CNTN3: variants seen among roughly 807,000 people sequenced by gnomAD.
The protein encoded by CNTN3 is contactin-3.
A neutral mutation model predicts 119.1 loss-of-function variants in CNTN3; 60 were observed. The observed-to-expected ratio is 0.50, with a 90% CI of 0.41 to 0.62. The LOEUF is 0.62. Among genes scored for constraint, CNTN3 ranks in the 20% least tolerant of loss-of-function variants. CNTN3 has a pLI of 0.00. For synonymous variants in CNTN3, 450 were observed against 438.7 expected, an observed-to-expected ratio of 1.03 and a Z score of -0.32; for missense variants, 1,101 against 1,242.4, an observed-to-expected ratio of 0.89 and a Z score of 1.71.
At chr3:74,444,870 A>C (rs907202325) in intron 4 of CNTN3, among the ~76,000 whole-genome samples, 1 of 152,200 alleles carries the variant, frequency 6.6e-6, no homozygotes, top group African/African-American at 2.4e-5. Flanking sequence ...CCACAAATGA[A>C]TAAGATTAGA....
intron 5 of CNTN3, among the ~76,000 whole-genome samples, chr3:74,373,710 T>C (rs1212052819): frequency 6.6e-6 from 1 of 152,202 alleles, no homozygotes; most frequent in Non-Finnish European, 1.5e-5. Context: ...TAACTCCCTT[T>C]ATAATGTTTA....
intron 2 of CNTN3, among the ~76,000 whole-genome samples, chr3:74,507,879 G>T (rs1308904424): frequency 6.6e-6 from 1 of 151,722 alleles, no homozygotes; most frequent in African/African-American, 2.4e-5. Flanking sequence ...CAATCCATTC[G>T]CCTCGGCCTC....
At chr3:74,429,922 C>T (rs190576490) in intron 4 of CNTN3, among the ~76,000 whole-genome samples, 48 of 152,224 alleles carry the variant, frequency 3.2e-4, no homozygotes, top group African/African-American at 1.1e-3. Flanking sequence ...CAAATTAAAA[C>T]TACAATGAGC....
intron 19 of CNTN3, among the ~76,000 whole-genome samples, chr3:74,286,594 A>T (rs1383843238): frequency 1.2e-4 from 18 of 152,226 alleles, no homozygotes; most frequent in Admixed American, 1.1e-3. Context: ...GGGTAGAATG[A>T]AAAGTTCTAA....
chr3:74,523,260 G>A (rs1334191970), intron 1 of CNTN3, among the ~76,000 whole-genome samples: 1 of 151,734 alleles, frequency 6.6e-6, no homozygotes, highest in Non-Finnish European at 1.5e-5. Context: ...CCAAAAATCA[G>A]GAGAAAGATG....
intron 4 of CNTN3, among the ~76,000 whole-genome samples, chr3:74,450,400 A>C (rs981343250): frequency 6.6e-6 from 1 of 151,994 alleles, no homozygotes; most frequent in African/African-American, 2.4e-5. Flanking sequence ...CTCCCTATAA[A>C]GGTCTATGTA....
At chr3:74,605,114 A>C (rs907057848) in intron 1 of CNTN3, among the ~76,000 whole-genome samples, 2 of 151,816 alleles carry the variant, frequency 1.3e-5, no homozygotes, top group Non-Finnish European at 3.0e-5. Context: ...AGAAGTAGAG[A>C]ATAGAATGGT....
intron 13 of CNTN3, among the ~76,000 whole-genome samples, chr3:74,327,633 T>C (rs919046422): frequency 3.3e-5 from 5 of 152,152 alleles, no homozygotes; most frequent in Non-Finnish European, 5.9e-5. Context: ...CACAAAATAT[T>C]TATCTATTTC....
chr3:74,288,631 A>C (rs986640612), intron 19 of CNTN3, among the ~76,000 whole-genome samples: 9 of 152,172 alleles, frequency 5.9e-5, no homozygotes, highest in Non-Finnish European at 8.8e-5. Context: ...AAAATATGCT[A>C]ATCTGTATCA....
intron 13 of CNTN3, among the ~76,000 whole-genome samples, chr3:74,311,229 A>G (rs1475343812): frequency 6.6e-6 from 1 of 152,152 alleles, no homozygotes; most frequent in Non-Finnish European, 1.5e-5. Flanking sequence ...TTTTATTACA[A>G]TCACAGACCT....
chr3:74,397,395 G>A (rs531015770), intron 5 of CNTN3, among the ~76,000 whole-genome samples: 7 of 151,876 alleles, frequency 4.6e-5, no homozygotes, highest in Admixed American at 1.3e-4. Context: ...CATCTATTCT[G>A]CAGCCCGTGT....
At chr3:74,610,761 G>A (rs950219359) in intron 1 of CNTN3, among the ~76,000 whole-genome samples, 3 of 152,110 alleles carry the variant, frequency 2.0e-5, no homozygotes, top group African/African-American at 7.2e-5. Flanking sequence ...ATGGGGACTT[G>A]GAGAAGGAGG....
intron 14 of CNTN3, among the ~76,000 whole-genome samples, chr3:74,302,152 C>G (rs1056803048): frequency 2.0e-5 from 3 of 152,100 alleles, no homozygotes; most frequent in Non-Finnish European, 4.4e-5. Flanking sequence ...ATGCCTTTCC[C>G]TTTAATCCAC....
chr3:74,369,938 G>A lies in CNTN3; in HGVS notation c.712C>T (p.Pro238Ser). The change falls in exon 7 of 23, where the codon CCA (proline) becomes TCA (serine). Residue 238 changes from proline (P) to serine (S), a missense_variant. Pro to Ser is a moderately conservative substitution (Grantham distance 74, BLOSUM62 -1). Transcript: ENST00000263665. ...TTCACAGTCGAACCTTTAGCTGCTG[G>A]AAGAGTTTCTGGAAACTGAACTTCT... ...KIEVQFPETL[P>S]AAKGSTVKLE... The A allele has an allele frequency of 6.2e-7, 1 of 1,609,124 alleles. No homozygotes were observed. Among genetic ancestry groups the A allele is most frequent in the African/African-American group, 1.3e-5 (1 of 74,702 alleles).
intron 2 of CNTN3, among the ~76,000 whole-genome samples, chr3:74,500,433 G>A (rs1703147179): frequency 6.7e-6 from 1 of 150,116 alleles, no homozygotes; most frequent in African/African-American, 2.5e-5. Context: ...ACAAGATAAT[G>A]CCACCACCAA....
At chr3:74,470,622 C>A (rs543974917) in intron 4 of CNTN3, among the ~76,000 whole-genome samples, 10 of 152,242 alleles carry the variant, frequency 6.6e-5, no homozygotes, top group African/African-American at 2.2e-4. Context: ...ACATGAATGA[C>A]AAGGCTGCCT....
intron 18 of CNTN3, among the ~76,000 whole-genome samples, chr3:74,297,085 A>G (rs976137807): frequency 6.6e-6 from 1 of 152,194 alleles, no homozygotes; most frequent in Non-Finnish European, 1.5e-5. Flanking sequence ...CAGCAGGTTC[A>G]TATCCCTCAA....
intron 8 of CNTN3, among the ~76,000 whole-genome samples, chr3:74,368,362 T>C (rs1704248501): frequency 6.6e-6 from 1 of 152,076 alleles, no homozygotes; most frequent in Non-Finnish European, 1.5e-5. Context: ...AAATAGAATA[T>C]AATGCAATTT....
intron 13 of CNTN3, among the ~76,000 whole-genome samples, chr3:74,311,606 T>C (rs1172637086): frequency 6.6e-6 from 1 of 152,206 alleles, no homozygotes; most frequent in East Asian, 1.9e-4. Context: ...TGATTTTCTT[T>C]CTGAAATTAG....
Sources: allele counts gnomAD v4.1 joint callset (sites outside exome capture counted in the v4.1 genomes callset), GRCh38; gene constraint gnomAD v4.1.1; transcripts MANE v1.5; gene names NCBI Gene and HGNC (gene_info 2026-07-23, HGNC 2026-07-21).